The following PIP5K1B variants were observed in gnomAD, a reference collection of about 807,000 sequenced individuals.
PIP5K1B encodes phosphatidylinositol-4-phosphate 5-kinase type 1 beta.
Under a neutral mutation model 67.0 loss-of-function variants are expected in PIP5K1B, and 42 were observed. That is an observed-to-expected ratio of 0.63 (90% CI 0.49 to 0.81). The LOEUF is 0.81. Ranked by LOEUF, PIP5K1B falls within the 30% of genes least tolerant of loss-of-function variation. The pLI, the probability that PIP5K1B is intolerant of heterozygous loss-of-function variation, is 0.00. For missense variants in PIP5K1B, 459 were observed against 646.3 expected (o/e 0.71, Z 3.14); for synonymous variants, 214 against 231.4 (o/e 0.92, Z 0.68).
At chr9:68,910,531 G>A (rs1376988978) in intron 8 of PIP5K1B, among the ~76,000 whole-genome samples, 1 of 152,194 alleles carries the variant, frequency 6.6e-6, no homozygotes, top group Non-Finnish European at 1.5e-5. Flanking sequence ...CATGTGGAAA[G>A]CAGTATAACA....
At chr9:69,001,204 G>C (rs1459185119) in intron 15 of PIP5K1B, among the ~76,000 whole-genome samples, 2 of 152,026 alleles carry the variant, frequency 1.3e-5, no homozygotes, top group African/African-American at 4.8e-5. Flanking sequence ...ACCACACCCA[G>C]CCTGGGTGTG....
chr9:68,770,290 C>T (rs1231591187), intron 2 of PIP5K1B, among the ~76,000 whole-genome samples: 1 of 152,224 alleles, frequency 6.6e-6, no homozygotes, highest in Non-Finnish European at 1.5e-5. Flanking sequence ...CTTCATTATA[C>T]CTACTCCTCT....
At chr9:68,803,960 T>C (rs1403171822) in intron 2 of PIP5K1B, among the ~76,000 whole-genome samples, 3 of 151,998 alleles carry the variant, frequency 2.0e-5, no homozygotes, top group African/African-American at 7.3e-5. Flanking sequence ...AGGTCATGAA[T>C]GAAATGACTG....
At chr9:68,960,743 G>C (rs777073895) in intron 14 of PIP5K1B, among the ~76,000 whole-genome samples, 12 of 152,114 alleles carry the variant, frequency 7.9e-5, no homozygotes, top group Non-Finnish European at 1.3e-4. Context: ...CATAGTTGCT[G>C]TAACTTATCT....
chr9:68,967,012 C>G (rs7027826), intron 14 of PIP5K1B, among the ~76,000 whole-genome samples: 1,638 of 152,228 alleles, frequency 0.011, 34 homozygotes, highest in African/African-American at 0.037. Context: ...ACATTTTCAC[C>G]TGCCATAGAA....
intron 8 of PIP5K1B, among the ~76,000 whole-genome samples, chr9:68,897,488 G>A (rs1329548706): frequency 6.6e-6 from 1 of 152,166 alleles, no homozygotes; most frequent in Non-Finnish European, 1.5e-5. Context: ...AGCAGTAGAA[G>A]CATATTTCTA....
intron 2 of PIP5K1B, among the ~76,000 whole-genome samples, chr9:68,795,202 C>T (rs1832223243): frequency 6.6e-6 from 1 of 151,842 alleles, no homozygotes; most frequent in African/African-American, 2.4e-5. Context: ...GTTAAAACAT[C>T]TGTGTCTCTA....
chr9:68,723,415 C>T (rs944530799), intron 1 of PIP5K1B, among the ~76,000 whole-genome samples: 3 of 151,632 alleles, frequency 2.0e-5, no homozygotes, highest in African/African-American at 7.3e-5. Context: ...GAGGAACTTA[C>T]ATCGTTTTCC....
intron 2 of PIP5K1B, among the ~76,000 whole-genome samples, chr9:68,798,958 G>T (rs902437720): frequency 6.6e-6 from 1 of 152,172 alleles, no homozygotes; most frequent in Non-Finnish European, 1.5e-5. Context: ...GAGAAATCAA[G>T]AATGACTGAT....
rs548063276 is a variant in PIP5K1B at position 68,769,836 on chromosome 9, G to A, written c.-86+27179G>A. Among the ~76,000 whole-genome samples the A allele has an allele frequency of 2.0e-5, 3 of 152,300 alleles. No homozygotes were observed. In the East Asian group the frequency reaches 5.8e-4, roughly 29 times the overall value. Reference sequence around the variant, plus strand: ...TGCTTGCTTTCCTCTCGTTCTTCATGAAAATGCCTAGCAGGGTACCTGGCA... The same window carrying A: ...TGCTTGCTTTCCTCTCGTTCTTCATAAAAATGCCTAGCAGGGTACCTGGCA... On this transcript the variant is annotated intron_variant, in intron 2 of 15. Coordinates refer to ENST00000265382, the MANE Select transcript of PIP5K1B (RefSeq NM_003558.4).
chr9:68,901,568 G>A (rs1825353265), intron 8 of PIP5K1B, among the ~76,000 whole-genome samples: 1 of 152,202 alleles, frequency 6.6e-6, no homozygotes, highest in Non-Finnish European at 1.5e-5. Flanking sequence ...CAAATCCACT[G>A]TCTTTCAAAG....
At chr9:68,880,510 G>T (rs1231145033) in intron 6 of PIP5K1B, among the ~76,000 whole-genome samples, 3 of 151,534 alleles carry the variant, frequency 2.0e-5, no homozygotes, top group Non-Finnish European at 4.4e-5. Flanking sequence ...AGTTAAGATT[G>T]TACCACTGCA....
chr9:68,928,299 A>G (rs1257172016), intron 12 of PIP5K1B, among the ~76,000 whole-genome samples: 3 of 152,058 alleles, frequency 2.0e-5, no homozygotes, highest in Non-Finnish European at 2.9e-5. Context: ...GTATGTCCCT[A>G]TGAATTTTAT....
intron 4 of PIP5K1B, chr9:68,843,355 C>T (rs1160828358): frequency 1.3e-5 from 2 of 152,206 alleles, no homozygotes; most frequent in Non-Finnish European, 2.9e-5. Context: ...ATGTTCTACT[C>T]ACAGACCAAT....
intron 1 of PIP5K1B, among the ~76,000 whole-genome samples, chr9:68,722,359 C>T (rs940710862): frequency 6.6e-5 from 10 of 152,136 alleles, no homozygotes; most frequent in Admixed American, 3.3e-4. Flanking sequence ...TGCCTGCCTC[C>T]GCGCCAGGCT....
chr9:68,823,977 G>A, intron 4 of PIP5K1B: 1 of 418,540 alleles, frequency 2.4e-6, no homozygotes, highest in Non-Finnish European at 4.7e-6. Context: ...GTCATTCAAA[G>A]TGATGGTGTG....
chr9:68,754,354 A>G (rs1426881407), intron 2 of PIP5K1B, among the ~76,000 whole-genome samples: 1 of 151,410 alleles, frequency 6.6e-6, no homozygotes, highest in Non-Finnish European at 1.5e-5. Context: ...TATTTTTAGT[A>G]GAGACGGGGT....
intron 3 of PIP5K1B, among the ~76,000 whole-genome samples, chr9:68,819,457 G>A (rs1355551747): frequency 1.3e-5 from 2 of 152,044 alleles, no homozygotes; most frequent in Admixed American, 6.6e-5. Context: ...ATTTTTTATA[G>A]AGATGAGTTC....
chr9:68,813,208 A>G (rs1833260060), intron 2 of PIP5K1B, among the ~76,000 whole-genome samples: 1 of 152,242 alleles, frequency 6.6e-6, no homozygotes, highest in South Asian at 2.1e-4. Context: ...ATCAGGACAT[A>G]GGTGTCAAGG....
Sources: gnomAD v4.1 joint callset for allele counts (sites outside exome capture counted in the v4.1 genomes callset) on GRCh38, gnomAD v4.1.1 for gene constraint, MANE v1.5 for transcripts, NCBI Gene and HGNC (gene_info 2026-07-23, HGNC 2026-07-21) for gene names.